ANKS1B: variants seen among roughly 807,000 people sequenced by gnomAD.
ANKS1B encodes ankyrin repeat and sterile alpha motif domain containing 1B, also known as ankyrin repeat and sterile alpha motif domain-containing protein 1B.
ANKS1B carries 36 observed loss-of-function variants against 148.3 expected under a neutral mutation model. The observed-to-expected ratio is 0.24, with a 90% CI of 0.19 to 0.32. ANKS1B has a LOEUF of 0.32. Among genes scored for constraint, ANKS1B ranks in the 10% least tolerant of loss-of-function variants. The pLI, the probability that ANKS1B is intolerant of heterozygous loss-of-function variation, is 1.00. For synonymous variants in ANKS1B, 542 were observed against 560.8 expected (o/e 0.97, Z 0.47); for missense variants, 1,157 against 1,542.6 (o/e 0.75, Z 4.19).
intron 9 of ANKS1B, among the ~76,000 whole-genome samples, chr12:99,513,424 G>C (rs2096786308): frequency 6.6e-6 from 1 of 152,024 alleles, no homozygotes; most frequent in African/African-American, 2.4e-5. Flanking sequence ...GTCTTGATTA[G>C]TGGAGCGTTT....
chr12:99,577,759 C>T (rs547394283), intron 9 of ANKS1B, among the ~76,000 whole-genome samples: 2 of 152,028 alleles, frequency 1.3e-5, no homozygotes, highest in Admixed American at 1.3e-4. Flanking sequence ...CAGAAAAAGC[C>T]CTGGACCAGA....
At chr12:99,722,717 C>G (rs1217480967) in intron 8 of ANKS1B, among the ~76,000 whole-genome samples, 2 of 152,182 alleles carry the variant, frequency 1.3e-5, no homozygotes, top group East Asian at 3.9e-4. Flanking sequence ...GTAAGAAATA[C>G]AGGGTGGGAC....
chr12:99,870,816 T>C (rs144322927), intron 1 of ANKS1B, among the ~76,000 whole-genome samples: 93 of 152,332 alleles, frequency 6.1e-4, no homozygotes, highest in African/African-American at 2.1e-3. Context: ...AGATTTTGGA[T>C]ATTAAACATT....
At chr12:99,808,652 C>T (rs2153663864) in intron 3 of ANKS1B, among the ~76,000 whole-genome samples, 1 of 152,214 alleles carries the variant, frequency 6.6e-6, no homozygotes, top group Admixed American at 6.5e-5. Flanking sequence ...GCTTATAAAA[C>T]AGCCAATCTT....
chr12:98,927,239 T>C (rs2099809445), intron 17 of ANKS1B, among the ~76,000 whole-genome samples: 1 of 152,124 alleles, frequency 6.6e-6, no homozygotes, highest in African/African-American at 2.4e-5. Context: ...CCAAGAATTT[T>C]ACATCCAGCA....
intron 14 of ANKS1B, among the ~76,000 whole-genome samples, chr12:99,242,629 C>G (rs763775330): frequency 2.3e-4 from 35 of 152,304 alleles, no homozygotes; most frequent in Non-Finnish European, 3.8e-4. Context: ...ATCATGCTAT[C>G]TGACTTCAAA....
intron 17 of ANKS1B, among the ~76,000 whole-genome samples, chr12:99,035,987 G>A (rs1203238638): frequency 2.6e-5 from 4 of 152,202 alleles, no homozygotes; most frequent in African/African-American, 9.6e-5. Flanking sequence ...GGCTCTGACA[G>A]CAGCTCTCCC....
intron 12 of ANKS1B, among the ~76,000 whole-genome samples, chr12:99,312,262 G>A (rs570348164): frequency 4.6e-5 from 7 of 152,232 alleles, no homozygotes; most frequent in Admixed American, 3.9e-4. Flanking sequence ...ATTAACAAAA[G>A]GCATTGGCAA....
intron 17 of ANKS1B, among the ~76,000 whole-genome samples, chr12:99,042,155 G>A (rs1008772067): frequency 2.3e-4 from 35 of 152,188 alleles, no homozygotes; most frequent in Non-Finnish European, 1.6e-4. Context: ...TTTACCGTGT[G>A]ATTTTGCAGT....
chr12:99,893,011 AC>A (rs2093193367), intron 1 of ANKS1B, among the ~76,000 whole-genome samples: 1 of 152,120 alleles, frequency 6.6e-6, no homozygotes, highest in Non-Finnish European at 1.5e-5. Flanking sequence ...AATAAGCTTC[AC>A]CCACGCACAC....
chr12:99,528,486 A>G (rs1464537949), intron 9 of ANKS1B, among the ~76,000 whole-genome samples: 1 of 151,990 alleles, frequency 6.6e-6, no homozygotes, highest in African/African-American at 2.4e-5. Flanking sequence ...AACCTACAGA[A>G]TGGGAGAAAA....
chr12:99,012,873 G>T (rs1442282537), intron 17 of ANKS1B, among the ~76,000 whole-genome samples: 2 of 152,144 alleles, frequency 1.3e-5, no homozygotes, highest in Non-Finnish European at 2.9e-5. Context: ...GGATTATGAA[G>T]ATCCTGTCTA....
At chr12:98,750,214 G>T (rs1008766927) in intron 26 of ANKS1B, among the ~76,000 whole-genome samples, 1 of 152,182 alleles carries the variant, frequency 6.6e-6, no homozygotes, top group Non-Finnish European at 1.5e-5. Flanking sequence ...GGAGGACCAG[G>T]GGCTCAGAGC....
chr12:98,981,481 G>A (rs778563767), intron 17 of ANKS1B, among the ~76,000 whole-genome samples: 3 of 152,042 alleles, frequency 2.0e-5, no homozygotes, highest in African/African-American at 4.8e-5. Flanking sequence ...AACTACAGGC[G>A]CATACCACCA....
At chr12:99,939,222 C>T (rs2094856673) in intron 1 of ANKS1B, among the ~76,000 whole-genome samples, 1 of 152,028 alleles carries the variant, frequency 6.6e-6, no homozygotes, top group Non-Finnish European at 1.5e-5. Context: ...CCCTGAGTAT[C>T]TAGGACTACA....
At chr12:99,510,012 C>T (rs1231427355) in intron 9 of ANKS1B, among the ~76,000 whole-genome samples, 2 of 151,934 alleles carry the variant, frequency 1.3e-5, no homozygotes, top group African/African-American at 4.8e-5. Flanking sequence ...ATCTGGATGA[C>T]AGCATGTCTG....
chr12:99,073,980 A>G (rs1209379322), intron 16 of ANKS1B, among the ~76,000 whole-genome samples: 2 of 152,210 alleles, frequency 1.3e-5, no homozygotes, highest in African/African-American at 4.8e-5. Flanking sequence ...CACCTGTGAA[A>G]TGACTCCAGT....
intron 14 of ANKS1B, among the ~76,000 whole-genome samples, chr12:99,197,047 T>C (rs1215565962): frequency 6.6e-6 from 1 of 152,004 alleles, no homozygotes; most frequent in African/African-American, 2.4e-5. Context: ...CAAAGGAAAG[T>C]CTCTGGTTGA....
intron 12 of ANKS1B, among the ~76,000 whole-genome samples, chr12:99,300,067 A>G (rs768906607): frequency 6.4e-4 from 98 of 152,196 alleles, no homozygotes; most frequent in African/African-American, 2.0e-3. Context: ...CAGCCTAAAG[A>G]TGATGGAACC....
Sources: allele counts gnomAD v4.1 joint callset (sites outside exome capture counted in the v4.1 genomes callset), GRCh38; gene constraint gnomAD v4.1.1; transcripts MANE v1.5; gene names NCBI Gene and HGNC (gene_info 2026-07-23, HGNC 2026-07-21).